The following MYH6 variants were observed in gnomAD, a reference collection of about 807,000 sequenced individuals.
MYH6 encodes the protein myosin-6.
A neutral mutation model predicts 223.2 loss-of-function variants in MYH6; 126 were observed. That is an observed-to-expected ratio of 0.56 (90% CI 0.49 to 0.65). The LOEUF is 0.65. Ranked by LOEUF, MYH6 falls within the 30% of genes least tolerant of loss-of-function variation. The pLI, the probability that MYH6 is intolerant of heterozygous loss-of-function variation, is 0.00. For missense variants in MYH6, 2,040 were observed against 2,536.4 expected (o/e 0.80, Z 4.20); for synonymous variants, 978 against 1,010.2 (o/e 0.97, Z 0.61).
intron 20 of MYH6, among the ~76,000 whole-genome samples, chr14:23,395,781 G>A (rs1375025577): frequency 6.6e-6 from 1 of 152,056 alleles, no homozygotes. Flanking sequence ...ACCCGCCTCG[G>A]CCTCCCAAAG....
At chr14:23,397,949 C>CTTCTTCTTCTTT (rs1891462792) in intron 15 of MYH6, among the ~76,000 whole-genome samples, 4 of 78,908 alleles carry the variant, frequency 5.1e-5, no homozygotes, top group African/African-American at 1.1e-4. Flanking sequence ...TCTTCTTCTT[C>CTTCTTCTTCTTT]TTCTTCTTCT....
Position 23,384,677 on chromosome 14 carries a change from G to T in MYH6, c.5330C>A (p.Thr1777Asn). ...CTTCATGCGCTCCAGGTGGGCGCTG[G>T]TGTCCTGCTCCTTCTTCAGCTCCTC... ...MAEELKKEQD[T>N]SAHLERMKKN... Residue 1777 changes from threonine to asparagine, a missense_variant, in exon 36 of 39, where the codon ACC becomes AAC. Physicochemically the swap from Thr to Asn is moderately conservative, Grantham distance 65. This residue lies in a region of MYH6 where 1,203 missense variants were observed against 1,400.2 expected (regional missense o/e 0.86). Transcript: ENST00000405093. 1 of 1,614,222 alleles carries T rather than the reference G, an allele frequency of 6.2e-7. No individual in the cohort carries two copies. Among genetic ancestry groups the T allele is most frequent in the South Asian group, 1.1e-5 (1 of 91,088 alleles).
chr14:23,407,352 G>A lies in MYH6; in HGVS notation c.-13-116C>T, dbSNP rs536889108. The A allele has an allele frequency of 7.0e-6, 9 of 1,288,192 alleles. No homozygotes were observed. The South Asian group carries it at 1.0e-4, about 14-fold the overall frequency. 79.8% of individuals were successfully genotyped at this position (1,288,192 alleles called of 1,614,324 possible). A position where few individuals can be genotyped will look rare whatever the true frequency, so the allele number is the denominator to read the frequency against. ...CGCTCCTCTCCTCCACCCTGGGAGA[G>A]GCACCTGCTGTTGCACCCTCCCCTA... is the stretch of plus-strand genomic sequence containing the variant. On this transcript the variant is annotated intron_variant, in intron 2 of 38. Coordinates refer to ENST00000405093, the MANE Select transcript of MYH6 (RefSeq NM_002471.4). This position sits in a 1 kb window ranked among gnomAD's most constrained non-coding sequence, Gnocchi z 5.6.
rs1566517687 is a variant in MYH6, at chr14:23,407,629, G to T, written c.-46-21C>A. Reference sequence around the variant, plus strand: ...AGAATCTGGACCGTGGGTGGAGCAAGGAACAACAGAGGTAGAGCCGGGCAG... The same window carrying T: ...AGAATCTGGACCGTGGGTGGAGCAATGAACAACAGAGGTAGAGCCGGGCAG... On this transcript the variant is annotated intron_variant, in intron 1 of 38. Transcript: ENST00000405093. This position sits in a 1 kb window ranked among gnomAD's most constrained non-coding sequence, Gnocchi z 5.6. 7.1e-6 allele frequency: 8 copies of T among 1,132,512 alleles called. No individual in the cohort carries two copies. The highest frequency in any genetic ancestry group is 7.6e-6 in the Non-Finnish European group (7 of 915,970). 70.2% of individuals were successfully genotyped at this position (1,132,512 alleles called of 1,614,324 possible).
intron 20 of MYH6, among the ~76,000 whole-genome samples, chr14:23,395,040 G>T (rs1053844768): frequency 6.6e-6 from 1 of 152,106 alleles, no homozygotes; most frequent in African/African-American, 2.4e-5. Flanking sequence ...AATTTTTGTA[G>T]TTTTAGTAGA....
chr14:23,383,339 G>GGGGGGGGGGGGGGGCCCCCCCC lies in MYH6; in HGVS notation c.5566-20_5566-19insGGGGGGGGCCCCCCCCCCCCCC. The GGGGGGGGGGGGGGGCCCCCCCC allele has an allele frequency of 9.2e-6, 1 of 108,182 alleles. No homozygotes were observed. Among genetic ancestry groups the GGGGGGGGGGGGGGGCCCCCCCC allele is most frequent in the Non-Finnish European group, 1.8e-5 (1 of 54,372 alleles). 6.7% of individuals were successfully genotyped at this position (108,182 alleles called of 1,614,324 possible). On this transcript the variant is annotated intron_variant, in intron 36 of 38. Coordinates refer to ENST00000405093, the MANE Select transcript of MYH6 (RefSeq NM_002471.4). ...CCTCTGTCTGGGGGTGGGAGGGTGGGAGAAGCTGGTTTGGAGGGGGAGCAA... is the reference window on the plus strand; with the variant it reads ...CCTCTGTCTGGGGGTGGGAGGGTGGGGGGGGGGGGGGGGGCCCCCCCCAGAAGCTGGTTTGGAGGGGGAGCAA...
chr14:23,394,314 CA>C lies in MYH6; in HGVS notation c.2438del (p.Leu813ArgfsTer3), dbSNP rs1208472898. ...CCCGAATGTTCCACTGGATTACCAG[CA>C]GGGCATCCCTGGCAAGGAAACGTGG... Reference protein sequence around the residue: ...FKKIVERRDALLVIQWNIRAF... With the variant: ...FKKIVERRDAXLVIQWNIRAF... On this transcript the variant is annotated frameshift_variant, in exon 21 of 39. Transcript: ENST00000405093. LOFTEE classifies it high-confidence loss of function. 3 of 1,614,184 alleles carry C rather than the reference CA, an allele frequency of 1.9e-6. No individual in the cohort carries two copies. The highest frequency in any genetic ancestry group is 2.5e-6 in the Non-Finnish European group (3 of 1,180,040).
Position 23,387,620 on chromosome 14 carries a change from T to C in MYH6, c.4559A>G (p.Glu1520Gly). 1 of 1,613,896 alleles carries C rather than the reference T, an allele frequency of 6.2e-7. No individual in the cohort carries two copies. Reference sequence around the variant, plus strand: ...CAGCTCATGCACATTCTTTCCTCCTTCTCCTAGCTGCTCAGTAAGGTCCGA... The same window carrying C: ...CAGCTCATGCACATTCTTTCCTCCTCCTCCTAGCTGCTCAGTAAGGTCCGA... The part of the protein sequence containing the change: ...EISDLTEQLG[E>G]GGKNVHELEK... The change falls in exon 32 of 39, where the codon GAA (glutamate) becomes GGA (glycine). Residue 1520 changes from glutamate (E) to glycine (G), a missense_variant. Glu to Gly is a moderately conservative substitution (Grantham distance 98). This residue lies in a region of MYH6 where 1,203 missense variants were observed against 1,400.2 expected (regional missense o/e 0.86). Transcript: ENST00000405093.
rs45574136 is a variant in MYH6, at chr14:23,386,496, T to A, written c.4778A>T (p.Gln1593Leu). 16,365 of 1,612,108 alleles carry A rather than the reference T, an allele frequency of 0.01. 592 individuals carry two copies. The African/African-American group carries it at 0.12, about 11-fold the overall frequency. Reference protein sequence around the residue: ...EEMEQAKRNHQRVVDSLQTSL... With the variant: ...EEMEQAKRNHLRVVDSLQTSL... ...GGTCTGCAGCGAGTCCACCACCCGC[T>A]GGTGGTTGCGCTTGGCCTGTTCCAT... The change falls in exon 33 of 39, where the codon CAG becomes CTG. Residue 1593 changes from glutamine to leucine, a missense_variant. Transcript: ENST00000405093.
rs1566512377 is a variant in MYH6 at position 23,397,944 on chromosome 14, T to TTCTTCC, written c.1892-332_1892-331insGGAAGA. ...CCTCCTCCTCCTCCTCTTCTTCTTC[T>TTCTTCC]TCTTCTTCTTCTTCTTCTTCTTCTT... On this transcript the variant is annotated intron_variant, in intron 15 of 38. Coordinates refer to ENST00000405093, the MANE Select transcript of MYH6 (RefSeq NM_002471.4). Among the ~76,000 whole-genome samples the TTCTTCC allele has an allele frequency of 4.0e-3, 255 of 64,478 alleles. 12 individuals carry two copies. The highest frequency in any genetic ancestry group is 0.016 in the African/African-American group (228 of 14,284). 42.3% of individuals were successfully genotyped at this position (64,478 alleles called of 152,430 possible). A position where few individuals can be genotyped will look rare whatever the true frequency, so the allele number is the denominator to read the frequency against.
At position 23,387,455 on chromosome 14, in the gene MYH6, T is replaced by A. The variant is rs539188658; in HGVS notation, c.4650+74A>T. The A allele has an allele frequency of 2.9e-5, 46 of 1,600,308 alleles. No individual in the cohort carries two copies. In the South Asian group the frequency reaches 4.6e-4, roughly 16 times the overall value. ...AATAGATTTTGTCCTGGGGTCAGGG[T>A]CACCCCCAGGTGAGGGAGAAGTGGG... is the stretch of plus-strand genomic sequence containing the variant. On this transcript the variant is annotated intron_variant, in intron 32 of 38. Coordinates refer to ENST00000405093, the MANE Select transcript of MYH6 (RefSeq NM_002471.4).
At chr14:23,394,030 G>A (rs778321668) in intron 21 of MYH6, 38 bp downstream of exon 21, 3 of 1,613,860 alleles carry the variant, frequency 1.9e-6, no homozygotes, top group South Asian at 2.2e-5. Flanking sequence ...TCTAGGGGAG[G>A]GGAGGAGAGG....
intron 19 of MYH6, 58 bp from the exon 20 acceptor site, chr14:23,396,478 G>T: frequency 1.2e-6 from 2 of 1,601,072 alleles, no homozygotes; most frequent in Non-Finnish European, 8.5e-7. Flanking sequence ...ATCCAGGGTG[G>T]AAGACCCTGG....
intron 32 of MYH6, among the ~76,000 whole-genome samples, chr14:23,387,324 T>C (rs1351511808): frequency 6.6e-6 from 1 of 152,208 alleles, no homozygotes; most frequent in Non-Finnish European, 1.5e-5. Flanking sequence ...ACAAAACCTT[T>C]GGCCTCTAAT....
intron 25 of MYH6, among the ~76,000 whole-genome samples, chr14:23,390,840 G>A (rs914817017): frequency 3.9e-5 from 6 of 152,156 alleles, no homozygotes; most frequent in African/African-American, 9.7e-5. Flanking sequence ...GCTCTGTTGC[G>A]CTATTCATAA....
chr14:23,393,025 C>A lies in MYH6; in HGVS notation c.3138G>T (p.Val1046=). The change falls in exon 24 of 39, where the codon GTG becomes GTT. Residue 1046 remains valine (V), a synonymous_variant. Coordinates refer to ENST00000405093, the MANE Select transcript of MYH6 (RefSeq NM_002471.4). ...GCTTTGCTCGCTCCAGGTCCATGCG[C>A]ACCTTCTTCTCTTGCTCTAGGGATC... ...LEGSLEQEKK[V]RMDLERAKRK... The A allele has an allele frequency of 1.2e-6, 2 of 1,614,224 alleles. No homozygotes were observed. The highest frequency in any genetic ancestry group is 1.7e-6 in the Non-Finnish European group (2 of 1,180,044).
intron 19 of MYH6, 125 bp from the exon 20 acceptor site, chr14:23,396,545 G>T: frequency 6.4e-7 from 1 of 1,566,900 alleles, no homozygotes; most frequent in South Asian, 1.1e-5. Flanking sequence ...GTAAAAATTT[G>T]ACAAACAAGA....
At position 23,386,014 on chromosome 14, in the gene MYH6, C is replaced by T. The variant is rs373457153; in HGVS notation, c.5077G>A (p.Val1693Met). 219 of 1,614,218 alleles carry T rather than the reference C, an allele frequency of 1.4e-4. No homozygotes were observed. The highest frequency in any genetic ancestry group is 2.5e-4 in the East Asian group (11 of 44,884). Residue 1693 changes from valine to methionine, a missense_variant, in exon 34 of 39, where the codon GTG (valine) becomes ATG (methionine). This residue lies in a region of MYH6 where 1,203 missense variants were observed against 1,400.2 expected (regional missense o/e 0.86). Coordinates refer to ENST00000405093, the MANE Select transcript of MYH6 (RefSeq NM_002471.4). The part of the protein sequence containing the change: ...LQAELEELRA[V>M]VEQTERSRKL... ...CGGGACCGCTCTGTCTGCTCCACCA[C>T]GGCACGCAGCTCCTCCAGCTCAGCC...
chr14:23,407,642 T>A lies in MYH6; in HGVS notation c.-46-34A>T. On this transcript the variant is annotated intron_variant, in intron 1 of 38. Coordinates refer to ENST00000405093, the MANE Select transcript of MYH6 (RefSeq NM_002471.4). The surrounding 1 kb of genome is among the most constrained non-coding windows in gnomAD (Gnocchi z 5.6). ...TGGGTGGAGCAAGGAACAACAGAGG[T>A]AGAGCCGGGCAGAGAGAAGAACAGA... 6 of 1,114,444 alleles carry A rather than the reference T, an allele frequency of 5.4e-6. No homozygotes were observed. Among genetic ancestry groups the A allele is most frequent in the Non-Finnish European group, 6.6e-6 (6 of 906,448 alleles). 69.0% of individuals were successfully genotyped at this position (1,114,444 alleles called of 1,614,324 possible).
Sources: gnomAD v4.1 joint callset for allele counts (sites outside exome capture counted in the v4.1 genomes callset) on GRCh38, gnomAD v4.1.1 for gene constraint, gnomAD v4.1.1 regional missense constraint, Gnocchi (gnomAD v3.1) non-coding constraint, MANE v1.5 for transcripts, NCBI Gene and HGNC (gene_info 2026-07-23, HGNC 2026-07-21) for gene names.